Variants in SMG5 observed in about 807,000 individuals in gnomAD.
SMG5 encodes the protein SMG5 nonsense mediated mRNA decay factor, also known as nonsense-mediated mRNA decay factor SMG5.
In SMG5, 53 loss-of-function variants were observed where a neutral mutation model predicts 122.9. The observed-to-expected ratio is 0.43, with a 90% CI of 0.35 to 0.54. SMG5 has a LOEUF of 0.54. SMG5 is among the 20% of genes least tolerant of loss of function. The pLI is 0.01. For synonymous variants in SMG5, 477 were observed against 490.2 expected (o/e 0.97, Z 0.35); for missense variants, 1,153 against 1,285.6 (o/e 0.90, Z 1.58).
chr1:156,255,865 T>C (rs972835351), intron 16 of SMG5, among the ~76,000 whole-genome samples: 1 of 152,158 alleles, frequency 6.6e-6, no homozygotes, highest in African/African-American at 2.4e-5. Flanking sequence ...GTCATGCCAC[T>C]GCACTTCAGC....
chr1:156,285,705 T>C, upstream of SMG5: 1 of 1,613,446 alleles, frequency 6.2e-7, no homozygotes. Flanking sequence ...CGAACCTTCA[T>C]GCCCCCCCGG....
chr1:156,285,163 G>A (rs561335001), upstream of SMG5: 15 of 1,501,208 alleles, frequency 1.0e-5, no homozygotes, highest in African/African-American at 8.4e-5. Flanking sequence ...TTCTGACAGA[G>A]CTTTCCTCTG....
In SMG5 at chr1:156,266,305, A is replaced by G. The variant is rs1390745605; in HGVS notation, c.1331T>C (p.Val444Ala). The G allele has an allele frequency of 1.2e-6, 2 of 1,613,904 alleles. No homozygotes were observed. The highest frequency in any genetic ancestry group is 1.1e-5 in the South Asian group (1 of 91,066). The part of the protein sequence containing the change: ...DPEPPPVTPQ[V>A]GEGRKSRKFS... Reference sequence around the variant, plus strand: ...CTTACGGCTCTTTCTGCCCTCACCCACTTGGGGTGTTACAGGAGGAGGCTC... The same window carrying G: ...CTTACGGCTCTTTCTGCCCTCACCCGCTTGGGGTGTTACAGGAGGAGGCTC... The change falls in exon 12 of 22, where the codon GTG becomes GCG. Residue 444 changes from valine to alanine, a missense_variant. Around this residue, in one of 5 missense-constraint regions of SMG5, gnomAD observed 631 missense variants for 650.6 expected, o/e 0.97. Coordinates refer to ENST00000361813, the MANE Select transcript of SMG5 (RefSeq NM_015327.3).
At chr1:156,283,756 C>T (rs763342685), upstream of SMG5, among the ~76,000 whole-genome samples, 3 of 152,200 alleles carry the variant, frequency 2.0e-5, no homozygotes, top group Non-Finnish European at 4.4e-5. Context: ...AAGTCTTTCC[C>T]ATCCATTGGT....
At chr1:156,252,529 A>G (rs1415723285) in intron 18 of SMG5, 25 bp from the exon 19 acceptor site, 17 of 1,610,594 alleles carry the variant, frequency 1.1e-5, no homozygotes, top group Middle Eastern at 1.7e-4. Flanking sequence ...AGGGAAAGAC[A>G]AAACAGATAA....
intron 15 of SMG5, among the ~76,000 whole-genome samples, chr1:156,259,814 G>A (rs1661741666): frequency 6.6e-6 from 1 of 152,198 alleles, no homozygotes; most frequent in Non-Finnish European, 1.5e-5. Context: ...TTACAAAGGT[G>A]AGCCATTGCA....
intron 18 of SMG5, 174 bp from the exon 19 acceptor site, chr1:156,252,678 C>G (rs371855011): frequency 2.1e-5 from 16 of 756,872 alleles, no homozygotes; most frequent in South Asian, 2.1e-4. Flanking sequence ...CAGCAATATA[C>G]TTGGCAATTT....
chr1:156,287,809 G>GGT (rs2101590418), upstream of SMG5, among the ~76,000 whole-genome samples: 1 of 151,598 alleles, frequency 6.6e-6, no homozygotes, highest in East Asian at 2.0e-4. Flanking sequence ...GTAGAGATAG[G>GGT]GTTTCACCAT....
Position 156,261,636 on chromosome 1 carries a change from C to T in SMG5, c.2032-228G>A, listed in dbSNP as rs192211156. On this transcript the variant is annotated intron_variant, in intron 13 of 21. Coordinates refer to ENST00000361813, the MANE Select transcript of SMG5 (RefSeq NM_015327.3). ...GGCACGGTGGTTCATGCCTATAATC[C>T]CAGCACTTTGGAAGGCCAAGGTAGG... 4.7e-4 allele frequency among the ~76,000 whole-genome samples: 72 copies of T among 152,104 alleles called. No individual in the cohort carries two copies. In the Middle Eastern group the frequency reaches 0.024, roughly 50 times the overall value.
chr1:156,273,576 G>T, intron 5 of SMG5, 126 bp from the exon 6 acceptor site: 2 of 853,064 alleles, frequency 2.3e-6, no homozygotes, highest in South Asian at 3.2e-5. Context: ...GAGCTAGGAA[G>T]CAGGTTGCTG....
the SMG5 span, chr1:156,291,496 C>T: frequency 1.2e-6 from 2 of 1,612,894 alleles, no homozygotes; most frequent in South Asian, 1.1e-5. Flanking sequence ...ACTACATGTT[C>T]GTGGTGGAGC....
At chr1:156,285,625 C>T (rs562551580), upstream of SMG5, 2 of 1,614,178 alleles carry the variant, frequency 1.2e-6, no homozygotes, top group South Asian at 1.1e-5. Flanking sequence ...TGCCTATTGA[C>T]CTACAGTGCA....
At chr1:156,265,073 A>ACACACACACAC (rs55872143) in intron 12 of SMG5, among the ~76,000 whole-genome samples, 7 of 150,364 alleles carry the variant, frequency 4.7e-5, no homozygotes, top group African/African-American at 9.8e-5. Flanking sequence ...ACACACACAC[A>ACACACACACAC]AAAGCCGGGC....
chr1:156,284,609 T>C (rs917822976), upstream of SMG5, among the ~76,000 whole-genome samples: 2 of 152,082 alleles, frequency 1.3e-5, no homozygotes. Context: ...TGAGGTGGGC[T>C]AGTGAGGAGT....
chr1:156,253,353 G>A, intron 17 of SMG5, 96 bp downstream of exon 17: 1 of 1,277,450 alleles, frequency 7.8e-7, no homozygotes, highest in Non-Finnish European at 1.1e-6. Flanking sequence ...AGGCAACAGA[G>A]CAGGGGGACT....
At chr1:156,279,903 C>T (rs183780722) in intron 1 of SMG5, among the ~76,000 whole-genome samples, 168 of 152,306 alleles carry the variant, frequency 1.1e-3, no homozygotes, top group African/African-American at 3.9e-3. Context: ...CTTAGCTCTA[C>T]TTCTTACCAG....
chr1:156,273,730 T>G (rs1662552009), intron 5 of SMG5, among the ~76,000 whole-genome samples: 2 of 148,506 alleles, frequency 1.3e-5, no homozygotes, highest in Admixed American at 1.3e-4. Context: ...TTTTTTTTTT[T>G]TTTTTTTTTA....
chr1:156,268,253 G>T (rs746222135), intron 8 of SMG5, 37 bp downstream of exon 8: 1 of 1,613,934 alleles, frequency 6.2e-7, no homozygotes, highest in Non-Finnish European at 8.5e-7. Flanking sequence ...TGCACCAACT[G>T]CAGAAAAAAC....
chr1:156,281,232 C>A (rs1454623242), intron 1 of SMG5, among the ~76,000 whole-genome samples: 1 of 152,250 alleles, frequency 6.6e-6, no homozygotes, highest in Non-Finnish European at 1.5e-5. Flanking sequence ...AGGTAAGCCA[C>A]ACAGGCAAAC....
Sources: gnomAD v4.1 joint callset for allele counts (sites outside exome capture counted in the v4.1 genomes callset) on GRCh38, gnomAD v4.1.1 for gene constraint, gnomAD v4.1.1 regional missense constraint, MANE v1.5 for transcripts, NCBI Gene and HGNC (gene_info 2026-07-23, HGNC 2026-07-21) for gene names.